The following WAC variants were observed in gnomAD, a reference collection of about 807,000 sequenced individuals.
The protein encoded by WAC is WW domain-containing adapter protein with coiled-coil.
Under a neutral mutation model 79.6 loss-of-function variants are expected in WAC, and 11 were observed. That is an observed-to-expected ratio of 0.14 (90% CI 0.09 to 0.23). WAC has a LOEUF of 0.23. WAC is among the 10% of genes least tolerant of loss of function. The probability of loss-of-function intolerance (pLI) is 1.00; values close to 1 mark genes in which losing one functional copy is unlikely to be tolerated. For missense variants in WAC, 728 were observed against 773.5 expected (o/e 0.94, Z 0.70); for synonymous variants, 304 against 276.9 (o/e 1.10, Z -0.97).
Position 28,616,238 on chromosome 10 carries a change from C to T in WAC, c.1622C>T (p.Thr541Ile), listed in dbSNP as rs1841461209. The change falls in exon 12 of 14, where the codon ACA becomes ATA. Residue 541 changes from threonine (T) to isoleucine (I), a missense_variant. By Grantham distance (89) the Thr-to-Ile change is moderately conservative (BLOSUM62 -1). Transcript: ENST00000354911. ...TSNSSNASNA[T>I]VVPQNSSARS... is the part of the protein sequence containing the mutation. ...AATAGTAGTAATGCATCAAATGCAACAGTTGTACCACAGAATTCTTCTGCC... is the reference window on the plus strand; with the variant it reads ...AATAGTAGTAATGCATCAAATGCAATAGTTGTACCACAGAATTCTTCTGCC... 10 of 1,613,912 alleles carry T rather than the reference C, an allele frequency of 6.2e-6. No homozygotes were observed. The highest frequency in any genetic ancestry group is 8.5e-6 in the Non-Finnish European group (10 of 1,179,876).
Position 28,610,772 on chromosome 10 carries a change from T to G in WAC, c.1239T>G (p.Ala413=). 1 of 1,612,796 alleles carries G rather than the reference T, an allele frequency of 6.2e-7. No individual in the cohort carries two copies. The highest frequency in any genetic ancestry group is 8.5e-7 in the Non-Finnish European group (1 of 1,179,736). The change falls in exon 9 of 14, where the codon GCT becomes GCG. Residue 413 remains alanine, a synonymous_variant. Coordinates refer to ENST00000354911, the MANE Select transcript of WAC (RefSeq NM_016628.5). Reference sequence around the variant, plus strand: ...AGTTTCTTACTGCTGGACCATCTGCTTTCAACATAACGTCTCTGATTTCTC... The same window carrying G: ...AGTTTCTTACTGCTGGACCATCTGCGTTCAACATAACGTCTCTGATTTCTC... ...IHKFLTAGPS[A]FNITSLISQA...
intron 3 of WAC, among the ~76,000 whole-genome samples, chr10:28,583,083 A>G (rs925140660): frequency 6.6e-6 from 1 of 152,118 alleles, no homozygotes; most frequent in African/African-American, 2.4e-5. Flanking sequence ...ATTTTTGTCC[A>G]GTAAAACTTT....
At chr10:28,556,971 C>T (rs192769570) in intron 3 of WAC, among the ~76,000 whole-genome samples, 3 of 151,826 alleles carry the variant, frequency 2.0e-5, no homozygotes, top group African/African-American at 7.3e-5. Flanking sequence ...TTGTAAGATG[C>T]TTTTAAATCA....
intron 1 of WAC, 104 bp from the exon 2 acceptor site, chr10:28,533,894 G>A: frequency 1.4e-6 from 2 of 1,417,668 alleles, no homozygotes; most frequent in Non-Finnish European, 2.0e-6. Context: ...GGGGCGCTCG[G>A]TAGGTCTCCC....
chr10:28,547,967 C>A (rs1171192334), intron 3 of WAC, among the ~76,000 whole-genome samples: 1 of 147,692 alleles, frequency 6.8e-6, no homozygotes, highest in Non-Finnish European at 1.5e-5. Context: ...GTTGCTGAAC[C>A]TGGAGTGTAG....
chr10:28,567,957 C>T (rs942705806), intron 3 of WAC, among the ~76,000 whole-genome samples: 4 of 152,124 alleles, frequency 2.6e-5, no homozygotes, highest in African/African-American at 4.8e-5. Flanking sequence ...AAGCTGGTCT[C>T]GAACTCCTGG....
At chr10:28,586,137 C>G (rs1010457043) in intron 4 of WAC, among the ~76,000 whole-genome samples, 2 of 151,556 alleles carry the variant, frequency 1.3e-5, no homozygotes, top group African/African-American at 2.4e-5. Context: ...TTAATCTTAC[C>G]TGAAAAGTTG....
intron 10 of WAC, among the ~76,000 whole-genome samples, chr10:28,614,356 G>A (rs1841383884): frequency 6.6e-6 from 1 of 152,176 alleles, no homozygotes; most frequent in Non-Finnish European, 1.5e-5. Flanking sequence ...GCCTCCCAAA[G>A]TGCTGGGATT....
intron 9 of WAC, chr10:28,611,534 C>T (rs953203334): frequency 5.8e-6 from 8 of 1,376,814 alleles, no homozygotes; most frequent in Non-Finnish European, 7.6e-6. Context: ...CCTGTTCCAG[C>T]CACATAAAGG....
At position 28,561,539 on chromosome 10, in the gene WAC, C is replaced by T. The variant is rs115966892; in HGVS notation, c.275-21860C>T. Among the ~76,000 whole-genome samples the T allele has an allele frequency of 3.5e-3, 526 of 151,666 alleles. 2 individuals are homozygous for T. The highest frequency in any genetic ancestry group is 0.012 in the African/African-American group (498 of 41,346). The stretch of plus-strand genomic sequence containing the variant: ...GGCATAAACGATTTACATTAGAGCA[C>T]GTGTGTATTTAATGGAATTTGACCC... On this transcript the variant is annotated intron_variant, in intron 3 of 13. Coordinates refer to ENST00000354911, the MANE Select transcript of WAC (RefSeq NM_016628.5).
chr10:28,552,057 C>G (rs940703902), intron 3 of WAC, among the ~76,000 whole-genome samples: 3 of 152,202 alleles, frequency 2.0e-5, no homozygotes, highest in Non-Finnish European at 4.4e-5. Flanking sequence ...AGGTGATCCA[C>G]TTGCCTTGGC....
Position 28,559,465 on chromosome 10 carries a change from G to A in WAC, c.274+23708G>A, listed in dbSNP as rs545305106. ...GAGTTCAGGGAAGGAGTAACGAGTT[G>A]ACCTAAGAAGGAAACGGAGGCAAAA... On this transcript the variant is annotated intron_variant, in intron 3 of 13. Transcript: ENST00000354911. Among the ~76,000 whole-genome samples, 3 of 152,218 alleles carry A rather than the reference G, an allele frequency of 2.0e-5. No homozygotes were observed. The East Asian group carries it at 5.8e-4, about 29-fold the overall frequency.
chr10:28,541,415 G>GTGTGTTTTT (rs1212601285), intron 3 of WAC, among the ~76,000 whole-genome samples: 13 of 37,904 alleles, frequency 3.4e-4, no homozygotes, highest in South Asian at 1.2e-3. Flanking sequence ...GTGTGTGTGT[G>GTGTGTTTTT]TTTTGTTTTT....
At chr10:28,541,570 A>G (rs974116722) in intron 3 of WAC, among the ~76,000 whole-genome samples, 5 of 151,694 alleles carry the variant, frequency 3.3e-5, no homozygotes, top group Non-Finnish European at 5.9e-5. Flanking sequence ...AATATATTCT[A>G]TGAACAGTCC....
chr10:28,534,283 A>G (rs1564367518), intron 2 of WAC: 1 of 432,188 alleles, frequency 2.3e-6, no homozygotes, highest in Non-Finnish European at 4.1e-6. Flanking sequence ...ATTTGCAGCC[A>G]GAAAGACCTG....
At chr10:28,595,683 T>G (rs762332698) in intron 6 of WAC, 50 bp from the exon 7 acceptor site, 1 of 1,544,672 alleles carries the variant, frequency 6.5e-7, no homozygotes, top group South Asian at 1.2e-5. Context: ...ATCTTTTTTC[T>G]TCCCCCTTCT....
rs35294532 is a variant in WAC at position 28,619,960 on chromosome 10, T to TAA, written c.*372_*373dup. The TAA allele has an allele frequency of 1.4e-4, 20 of 142,098 alleles. No homozygotes were observed. Among genetic ancestry groups the TAA allele is most frequent in the Admixed American group, 4.2e-4 (6 of 14,248 alleles). The allele number at this position is 142,098 out of a possible 1,614,324, so 8.8% of individuals were successfully genotyped here. ...AACCTGTCTGCAAAATTAGCTTTTT[T>TAA]AAAAAAAAAAAAAAAAAAATTGGGG... On this transcript the variant is annotated 3_prime_UTR_variant, in exon 14 of 14. Coordinates refer to ENST00000354911, the MANE Select transcript of WAC (RefSeq NM_016628.5).
At chr10:28,547,936 TTGAG>T (rs1167291910) in intron 3 of WAC, among the ~76,000 whole-genome samples, 2 of 151,172 alleles carry the variant, frequency 1.3e-5, no homozygotes, top group Non-Finnish European at 2.9e-5. Context: ...TTTTTCTTCT[TTGAG>T]AGAGAGTTTC....
intron 8 of WAC, 116 bp downstream of exon 8, chr10:28,608,547 A>T: frequency 8.5e-7 from 1 of 1,174,074 alleles, no homozygotes; most frequent in Non-Finnish European, 1.2e-6. Context: ...ATAGTTGAAC[A>T]CTTTTTTTTG....
Sources: allele counts gnomAD v4.1 joint callset (sites outside exome capture counted in the v4.1 genomes callset), GRCh38; gene constraint gnomAD v4.1.1; transcripts MANE v1.5; gene names NCBI Gene and HGNC (gene_info 2026-07-23, HGNC 2026-07-21).